PRKCI: variants seen among roughly 807,000 people sequenced by gnomAD.
PRKCI encodes the protein protein kinase C iota, also known as protein kinase C iota type.
PRKCI carries 43 observed loss-of-function variants against 84.0 expected under a neutral mutation model. The observed-to-expected ratio is 0.51, with a 90% CI of 0.40 to 0.66. The LOEUF (loss-of-function observed/expected upper bound fraction) is 0.66. Among genes scored for constraint, PRKCI ranks in the 30% least tolerant of loss-of-function variants. The pLI is 0.00. For synonymous variants in PRKCI, 216 were observed against 234.4 expected, an observed-to-expected ratio of 0.92 and a Z score of 0.72; for missense variants, 459 against 745.6, an observed-to-expected ratio of 0.62 and a Z score of 4.48.
intron 2 of PRKCI, among the ~76,000 whole-genome samples, chr3:170,247,376 G>C (rs1733311727): frequency 6.6e-6 from 1 of 150,922 alleles, no homozygotes; most frequent in African/African-American, 2.4e-5. Context: ...GTTTAATCCA[G>C]TGTTTTAAAA....
At chr3:170,250,727 T>C (rs1163697317) in intron 2 of PRKCI, among the ~76,000 whole-genome samples, 1 of 152,248 alleles carries the variant, frequency 6.6e-6, no homozygotes, top group Non-Finnish European at 1.5e-5. Flanking sequence ...TGTGTGAATA[T>C]GTTTTCATTT....
intron 13 of PRKCI, 183 bp from the exon 14 acceptor site, chr3:170,293,200 G>T (rs995021534): frequency 2.2e-6 from 1 of 453,514 alleles, no homozygotes; most frequent in Non-Finnish European, 3.8e-6. Context: ...TTATCTTTTA[G>T]GTACCTACCC....
Position 170,281,837 on chromosome 3 carries a change from C to T in PRKCI, c.981-45C>T, listed in dbSNP as rs1351380480. 1.9e-6 allele frequency: 3 copies of T among 1,549,894 alleles called. No homozygotes were observed. In the African/African-American group the frequency reaches 4.2e-5, roughly 22 times the overall value. ...TTTCTGAAAATGCAAAGTTACACTACCTTATTTTGGATCTTGATTTCATGG... is the reference window on the plus strand; with the variant it reads ...TTTCTGAAAATGCAAAGTTACACTATCTTATTTTGGATCTTGATTTCATGG... On this transcript the variant is annotated intron_variant, in intron 10 of 17. Coordinates refer to ENST00000295797, the MANE Select transcript of PRKCI (RefSeq NM_002740.6).
intron 1 of PRKCI, among the ~76,000 whole-genome samples, chr3:170,223,518 A>G (rs896517754): frequency 2.0e-5 from 3 of 152,346 alleles, no homozygotes; most frequent in East Asian, 3.9e-4. Context: ...CTCCCTTACT[A>G]TGGTTACAAG....
chr3:170,279,080 C>T (rs530740988), intron 8 of PRKCI, among the ~76,000 whole-genome samples: 14 of 152,230 alleles, frequency 9.2e-5, no homozygotes, highest in Non-Finnish European at 1.8e-4. Flanking sequence ...CAGGCTGGAG[C>T]GCACTGGCAC....
chr3:170,295,350 C>G (rs1438685763), intron 14 of PRKCI, among the ~76,000 whole-genome samples: 1 of 151,824 alleles, frequency 6.6e-6, no homozygotes, highest in East Asian at 1.9e-4. Context: ...TGGTGAGACC[C>G]TTATCTCTAC....
At chr3:170,254,929 A>T (rs1255047636) in intron 2 of PRKCI, among the ~76,000 whole-genome samples, 1 of 148,320 alleles carries the variant, frequency 6.7e-6, no homozygotes, top group African/African-American at 2.5e-5. Context: ...GGACATTTTA[A>T]CAGTATTGAT....
rs981534335 is a variant in PRKCI, at chr3:170,303,370, A to T, written c.*243A>T. ...TTGAACTGGTTTTTCAGTTTTTAAAAGGCCTACAGATGAGTAATGAAGTTA... is the reference window on the plus strand; with the variant it reads ...TTGAACTGGTTTTTCAGTTTTTAAATGGCCTACAGATGAGTAATGAAGTTA... On this transcript the variant is annotated 3_prime_UTR_variant, in exon 18 of 18. Transcript: ENST00000295797. 2 of 338,102 alleles carry T rather than the reference A, an allele frequency of 5.9e-6. No individual in the cohort carries two copies. The highest frequency in any genetic ancestry group is 4.2e-5 in the African/African-American group (2 of 47,286). The allele number at this position is 338,102 out of a possible 1,614,324, so 20.9% of individuals were successfully genotyped here.
chr3:170,261,796 A>T (rs1432929131), intron 3 of PRKCI, among the ~76,000 whole-genome samples: 3 of 151,884 alleles, frequency 2.0e-5, no homozygotes, highest in African/African-American at 7.3e-5. Flanking sequence ...ATTTTTTTCT[A>T]CCTCCAGAAT....
intron 2 of PRKCI, among the ~76,000 whole-genome samples, chr3:170,236,483 TAAAG>T (rs775704906): frequency 6.6e-6 from 1 of 152,194 alleles, no homozygotes; most frequent in Admixed American, 6.5e-5. Flanking sequence ...AATATTACCT[TAAAG>T]AAAATATTGT....
intron 11 of PRKCI, among the ~76,000 whole-genome samples, chr3:170,282,974 G>A (rs111230035): frequency 0.023 from 3,536 of 151,828 alleles, 111 homozygotes; most frequent in South Asian, 0.1. Context: ...GCGTGGTGGC[G>A]GGCACCTGTG....
intron 16 of PRKCI, among the ~76,000 whole-genome samples, chr3:170,297,627 T>A (rs1734717022): frequency 6.6e-6 from 1 of 151,660 alleles, no homozygotes; most frequent in African/African-American, 2.4e-5. Context: ...AATTTTTGTA[T>A]TTTTAGTAGA....
rs777394724 is a variant in PRKCI, at chr3:170,281,885, G to A, written c.984G>A (p.Leu328=). 1.5e-5 allele frequency: 24 copies of A among 1,592,612 alleles called. No individual in the cohort carries two copies. The highest frequency in any genetic ancestry group is 2.0e-5 in the Non-Finnish European group (24 of 1,171,438). Residue 328 remains leucine (L), a synonymous_variant, in exon 11 of 18, where the codon TTG becomes TTA. Coordinates refer to ENST00000295797, the MANE Select transcript of PRKCI (RefSeq NM_002740.6). The part of the protein sequence containing the change: ...LHSCFQTESR[L]FFVIEYVNGG... Reference sequence around the variant, plus strand: ...TGGGTTCTCTCCTGTGTTTTAGATTGTTCTTTGTTATAGAGTATGTAAATG... The same window carrying A: ...TGGGTTCTCTCCTGTGTTTTAGATTATTCTTTGTTATAGAGTATGTAAATG...
chr3:170,246,046 A>T (rs1434627634), intron 2 of PRKCI, among the ~76,000 whole-genome samples: 1 of 145,368 alleles, frequency 6.9e-6, no homozygotes, highest in African/African-American at 2.6e-5. Flanking sequence ...CCTACCTCTC[A>T]GGCTAAAGCA....
chr3:170,292,557 C>G (rs1734578731), intron 13 of PRKCI, among the ~76,000 whole-genome samples: 1 of 152,160 alleles, frequency 6.6e-6, no homozygotes, highest in Non-Finnish European at 1.5e-5. Context: ...AGTCTGAATC[C>G]ACTGTCCTTC....
intron 3 of PRKCI, 76 bp downstream of exon 3, chr3:170,260,134 A>C (rs954850558): frequency 3.1e-6 from 3 of 958,418 alleles, no homozygotes; most frequent in Non-Finnish European, 4.7e-6. Flanking sequence ...CACCATTTTG[A>C]AACATAATCT....
At chr3:170,273,387 T>C (rs766300923) in intron 7 of PRKCI, 47 bp downstream of exon 7, 3 of 1,561,938 alleles carry the variant, frequency 1.9e-6, no homozygotes, top group Non-Finnish European at 2.6e-6. Context: ...CAGAGTAGCA[T>C]GTAAAGACTT....
chr3:170,295,206 G>A (rs1036332621), intron 14 of PRKCI, among the ~76,000 whole-genome samples: 4 of 148,550 alleles, frequency 2.7e-5, no homozygotes, highest in African/African-American at 5.0e-5. Flanking sequence ...GTGACACTCT[G>A]TCTCAAAAAA....
chr3:170,260,721 G>T (rs1238395579), intron 3 of PRKCI, among the ~76,000 whole-genome samples: 2 of 152,138 alleles, frequency 1.3e-5, no homozygotes, highest in Non-Finnish European at 2.9e-5. Flanking sequence ...CCAAAGCACT[G>T]AGATTACAGG....
Sources: gnomAD v4.1 joint callset for allele counts (sites outside exome capture counted in the v4.1 genomes callset) on GRCh38, gnomAD v4.1.1 for gene constraint, MANE v1.5 for transcripts, NCBI Gene and HGNC (gene_info 2026-07-23, HGNC 2026-07-21) for gene names.